Variants in VWF observed in about 807,000 individuals in gnomAD.
VWF encodes the protein von Willebrand factor.
VWF carries 176 observed loss-of-function variants against 308.6 expected under a neutral mutation model. That is an observed-to-expected ratio of 0.57 (90% CI 0.50 to 0.65). VWF has a LOEUF of 0.65. Ranked by LOEUF, VWF falls within the 30% of genes least tolerant of loss-of-function variation. VWF has a pLI of 0.00. For missense variants in VWF, 3,146 were observed against 3,648.2 expected (o/e 0.86, Z 3.55); for synonymous variants, 1,385 against 1,443.4 (o/e 0.96, Z 0.92).
rs1944682889 is a variant in VWF at position 6,063,821 on chromosome 12, C to T, written c.1432+425G>A. Among the ~76,000 whole-genome samples, 1 of 152,128 alleles carries T rather than the reference C, an allele frequency of 6.6e-6. No homozygotes were observed. The highest frequency in any genetic ancestry group is 2.4e-5 in the African/African-American group (1 of 41,418). On this transcript the variant is annotated intron_variant, in intron 12 of 51. Coordinates refer to ENST00000261405, the MANE Select transcript of VWF (RefSeq NM_000552.5). This position sits in a 1 kb window ranked among gnomAD's most constrained non-coding sequence, Gnocchi z 4.9. ...CTAGACAGGCCAGAGGGTCACCTGG[C>T]CTCGCCCCAAGTGGCATCCTCTGGT...
chr12:6,017,019 G>A lies in VWF; in HGVS notation c.5054-149C>T, dbSNP rs1944070808. 6 of 807,862 alleles carry A rather than the reference G, an allele frequency of 7.4e-6. No homozygotes were observed. In the South Asian group the frequency reaches 8.2e-5, roughly 11 times the overall value. 50.0% of individuals were successfully genotyped at this position (807,862 alleles called of 1,614,324 possible). A position where few individuals can be genotyped will look rare whatever the true frequency, so the allele number is the denominator to read the frequency against. On this transcript the variant is annotated intron_variant, in intron 28 of 51. Coordinates refer to ENST00000261405, the MANE Select transcript of VWF (RefSeq NM_000552.5). ...CGGGGGGTGCCTTCGTGAGTACAAG[G>A]GCAATGTGGGCCAGGGAGGAGGGGA...
At chr12:6,001,829 A>G (rs985973803) in intron 34 of VWF, among the ~76,000 whole-genome samples, 1 of 152,194 alleles carries the variant, frequency 6.6e-6, no homozygotes, top group African/African-American at 2.4e-5. Flanking sequence ...AAAACTGATC[A>G]TGTATTAGAT....
In VWF at chr12:6,104,203, T is replaced by C. The variant is rs146441804; in HGVS notation, c.532+6171A>G. ...TCAACATAACTTGTCATGAGAGAAA[T>C]GCAAATTAAAACCACAATGAGATAT... On this transcript the variant is annotated intron_variant, in intron 5 of 51. Coordinates refer to ENST00000261405, the MANE Select transcript of VWF (RefSeq NM_000552.5). Among the ~76,000 whole-genome samples the C allele has an allele frequency of 1.3e-3, 192 of 151,914 alleles. 2 individuals are homozygous for C. The East Asian group carries it at 0.027, about 21-fold the overall frequency.
chr12:5,987,078 C>T (rs565130590), intron 38 of VWF, among the ~76,000 whole-genome samples: 2 of 152,270 alleles, frequency 1.3e-5, no homozygotes, highest in Non-Finnish European at 2.9e-5. Flanking sequence ...TAGGCATGTG[C>T]CACCATACCC....
In VWF at chr12:6,110,938, A is replaced by G; in HGVS notation, c.251T>C (p.Leu84Pro). Residue 84 changes from leucine (L) to proline (P), a missense_variant, in exon 4 of 52, where the codon CTC becomes CCC. Transcript: ENST00000261405. ...AAAAAATTCCCCAAGATACACGGAG[A>G]GGCTCACTCTCTTGCCATTCTGGAA... ...GDFQNGKRVS[L>P]SVYLGEFFDI... 1 of 1,614,196 alleles carries G rather than the reference A, an allele frequency of 6.2e-7. No individual in the cohort carries two copies. Among genetic ancestry groups the G allele is most frequent in the Non-Finnish European group, 8.5e-7 (1 of 1,180,036 alleles).
In VWF at chr12:6,087,483, C is replaced by T. The variant is rs111697130; in HGVS notation, c.657+7977G>A. 8.6e-4 allele frequency among the ~76,000 whole-genome samples: 127 copies of T among 147,916 alleles called. 3 individuals are homozygous for T. The East Asian group carries it at 0.02, about 23-fold the overall frequency. On this transcript the variant is annotated intron_variant, in intron 6 of 51. Coordinates refer to ENST00000261405, the MANE Select transcript of VWF (RefSeq NM_000552.5). ...ACGCCATTCTCCTGCTTCAGCCTCCCGAGTAGCTGGGACTACAGGCGCCCG... is the reference window on the plus strand; with the variant it reads ...ACGCCATTCTCCTGCTTCAGCCTCCTGAGTAGCTGGGACTACAGGCGCCCG...
At chr12:6,112,354 C>T (rs1037255509) in intron 3 of VWF, among the ~76,000 whole-genome samples, 6 of 152,112 alleles carry the variant, frequency 3.9e-5, no homozygotes, top group Non-Finnish European at 7.4e-5. Context: ...AACTGCTACT[C>T]GTGGTGGGTC....
intron 44 of VWF, among the ~76,000 whole-genome samples, chr12:5,970,654 C>G (rs1943462318): frequency 6.6e-6 from 1 of 152,156 alleles, no homozygotes; most frequent in South Asian, 2.1e-4. Flanking sequence ...CCTGAAAAAG[C>G]CCAGTGAGTC....
chr12:6,056,030 T>C (rs1226313926), intron 15 of VWF, among the ~76,000 whole-genome samples: 1 of 151,508 alleles, frequency 6.6e-6, no homozygotes, highest in Non-Finnish European at 1.5e-5. Context: ...GATTCTACCA[T>C]TGGAAACAAG....
At chr12:5,964,089 C>T (rs548514999) in intron 47 of VWF, among the ~76,000 whole-genome samples, 462 of 152,092 alleles carry the variant, frequency 3.0e-3, no homozygotes, top group South Asian at 4.8e-3. Flanking sequence ...TGGCGGTGGG[C>T]GCCTGTAGTC....
At chr12:6,047,830 A>G (rs75649740) in intron 16 of VWF, among the ~76,000 whole-genome samples, 3,621 of 152,336 alleles carry the variant, frequency 0.024, 87 homozygotes, top group East Asian at 0.032. Flanking sequence ...TCAGTGTCCC[A>G]GTGATTGACA....
rs1216730893 is a variant in VWF, at chr12:6,031,299, C to A, written c.2820+145G>T. On this transcript the variant is annotated intron_variant, in intron 21 of 51. Coordinates refer to ENST00000261405, the MANE Select transcript of VWF (RefSeq NM_000552.5). ...TTCTCATAAAATAATACGTCACGGT[C>A]AGTTGCAATAGCTCTGCCTCATCCT... The A allele has an allele frequency of 6.6e-6, 9 of 1,362,158 alleles. No individual in the cohort carries two copies. In the East Asian group the frequency reaches 2.2e-4, roughly 33 times the overall value. The allele number at this position is 1,362,158 out of a possible 1,614,324, so 84.4% of individuals were successfully genotyped here.
chr12:6,005,426 T>C (rs1286197873), intron 34 of VWF, among the ~76,000 whole-genome samples: 2 of 152,154 alleles, frequency 1.3e-5, no homozygotes, highest in Non-Finnish European at 2.9e-5. Context: ...ATAGTTCAAA[T>C]ATTTAAAATA....
Position 6,019,134 on chromosome 12 carries a change from G to A in VWF, c.4284C>T (p.Ile1428=), listed in dbSNP as rs772959925. ...PHANLKQIRL[I]EKQAPENKAF... Reference sequence around the variant, plus strand: ...CCTTGTTCTCAGGGGCCTGCTTCTCGATGAGGCGGATCTGCTTGAGGTTGG... The same window carrying A: ...CCTTGTTCTCAGGGGCCTGCTTCTCAATGAGGCGGATCTGCTTGAGGTTGG... Residue 1428 remains isoleucine, a synonymous_variant, in exon 28 of 52, where the codon ATC becomes ATT. Coordinates refer to ENST00000261405, the MANE Select transcript of VWF (RefSeq NM_000552.5). This position sits in a 1 kb window ranked among gnomAD's most constrained non-coding sequence, Gnocchi z 5.8. 1.5e-5 allele frequency: 24 copies of A among 1,613,762 alleles called. No individual in the cohort carries two copies. The East Asian group carries it at 1.6e-4, about 10-fold the overall frequency.
intron 48 of VWF, among the ~76,000 whole-genome samples, chr12:5,953,294 G>C (rs539193251): frequency 6.6e-6 from 1 of 151,920 alleles, no homozygotes; most frequent in African/African-American, 2.4e-5. Flanking sequence ...CTCTTGTCAA[G>C]AAGAGCAACA....
rs1445009275 is a variant in VWF at position 6,063,761 on chromosome 12, G to C, written c.1432+485C>G. Among the ~76,000 whole-genome samples, 1 of 152,184 alleles carries C rather than the reference G, an allele frequency of 6.6e-6. No homozygotes were observed. The highest frequency in any genetic ancestry group is 2.4e-5 in the African/African-American group (1 of 41,436). On this transcript the variant is annotated intron_variant, in intron 12 of 51. Transcript: ENST00000261405. This position sits in a 1 kb window ranked among gnomAD's most constrained non-coding sequence, Gnocchi z 4.9. ...CTTTGACCGGCACAGTGCAACCCAG[G>C]TGAAGATACTGGACAGGTAGGTTTT...
At chr12:5,979,934 G>A (rs1243810283) in intron 42 of VWF, among the ~76,000 whole-genome samples, 1 of 148,682 alleles carries the variant, frequency 6.7e-6, no homozygotes, top group Admixed American at 6.7e-5. Flanking sequence ...CCAGCTACTC[G>A]GGAGGCTGAG....
chr12:6,121,401 A>T, intron 2 of VWF, 63 bp from the exon 3 acceptor site: 4 of 1,587,474 alleles, frequency 2.5e-6, no homozygotes, highest in Non-Finnish European at 3.4e-6. Context: ...CATCAGCTCA[A>T]ACCTCTCTGG....
chr12:6,106,020 C>T (rs1945239743), intron 5 of VWF, among the ~76,000 whole-genome samples: 1 of 151,884 alleles, frequency 6.6e-6, no homozygotes, highest in African/African-American at 2.4e-5. Flanking sequence ...TTCAGCCTGG[C>T]GACAGAGGGA....
Sources: allele counts gnomAD v4.1 joint callset (sites outside exome capture counted in the v4.1 genomes callset), GRCh38; gene constraint gnomAD v4.1.1; non-coding constraint Gnocchi (gnomAD v3.1); transcripts MANE v1.5; gene names NCBI Gene and HGNC (gene_info 2026-07-23, HGNC 2026-07-21).